The following ZFHX3 variants were observed in gnomAD, a reference collection of about 807,000 sequenced individuals.
ZFHX3 encodes zinc finger homeobox protein 3.
In ZFHX3, 42 loss-of-function variants were observed where a neutral mutation model predicts 279.1. That is an observed-to-expected ratio of 0.15 (90% CI 0.12 to 0.19). The LOEUF is 0.19. Among genes scored for constraint, ZFHX3 ranks in the 10% least tolerant of loss-of-function variants. ZFHX3 has a pLI of 1.00. For missense variants in ZFHX3, 4,981 were observed against 4,754.0 expected (o/e 1.05, Z -1.40); for synonymous variants, 2,293 against 1,957.8 (o/e 1.17, Z -4.52).
At chr16:73,487,685 G>A (rs754316382) in intron 2 of ZFHX3, 8 of 209,670 alleles carry the variant, frequency 3.8e-5, no homozygotes, top group African/African-American at 1.6e-4. Context: ...AATTACAGGC[G>A]TGAGCCACTG....
At chr16:73,012,455 G>T (rs1318587583) in intron 1 of ZFHX3, among the ~76,000 whole-genome samples, 2 of 152,142 alleles carry the variant, frequency 1.3e-5, no homozygotes, top group African/African-American at 4.8e-5. Flanking sequence ...TAACATCATG[G>T]AGGAATGTGT....
chr16:73,193,694 C>G (rs2144891286), intron 5 of ZFHX3, among the ~76,000 whole-genome samples: 1 of 152,282 alleles, frequency 6.6e-6, no homozygotes, highest in Admixed American at 6.5e-5. Context: ...AGTGGTGAAG[C>G]AGTTTGTTAA....
intron 2 of ZFHX3, among the ~76,000 whole-genome samples, chr16:73,676,430 G>A (rs1452742183): frequency 1.3e-5 from 2 of 151,602 alleles, no homozygotes; most frequent in African/African-American, 4.8e-5. Context: ...AAATTTGACA[G>A]TTGGAGATAT....
chr16:72,793,486 A>G lies in ZFHX3; in HGVS notation c.9196T>C (p.Tyr3066His). 1.2e-6 allele frequency: 2 copies of G among 1,614,194 alleles called. No homozygotes were observed. The highest frequency in any genetic ancestry group is 1.7e-6 in the Non-Finnish European group (2 of 1,180,036). ...IGSQLDKEKE[Y>H]FDPATVRQLM... ...TGACGTACGGTGGCTGGGTCAAAGT[A>G]TTCTTTCTCCTTGTCCAGCTGGCTT... Residue 3066 changes from tyrosine to histidine, a missense_variant, in exon 9 of 10, where the codon TAC becomes CAC. By Grantham distance (83) the Tyr-to-His change is moderately conservative. Coordinates refer to ENST00000268489, the MANE Select transcript of ZFHX3 (RefSeq NM_006885.4). This position sits in a 1 kb window ranked among gnomAD's most constrained non-coding sequence, Gnocchi z 4.3.
At chr16:73,192,976 A>C (rs1005118849) in intron 5 of ZFHX3, among the ~76,000 whole-genome samples, 1 of 152,144 alleles carries the variant, frequency 6.6e-6, no homozygotes, top group Non-Finnish European at 1.5e-5. Flanking sequence ...CTGGAGGAAT[A>C]ATAGCCACCT....
intron 2 of ZFHX3, among the ~76,000 whole-genome samples, chr16:73,508,915 A>G (rs1194075933): frequency 6.6e-6 from 1 of 152,186 alleles, no homozygotes; most frequent in Non-Finnish European, 1.5e-5. Context: ...CAGGAAAAAG[A>G]TATCCCTGTA....
chr16:72,960,414 G>C (rs1310635666), intron 1 of ZFHX3, among the ~76,000 whole-genome samples: 1 of 152,188 alleles, frequency 6.6e-6, no homozygotes, highest in Admixed American at 6.5e-5. Context: ...CTGAGCGAGG[G>C]ATATGGGGAA....
At chr16:73,065,604 T>TGTGTGC (rs1555546711) in intron 8 of ZFHX3, among the ~76,000 whole-genome samples, 3 of 145,740 alleles carry the variant, frequency 2.1e-5, no homozygotes, top group Non-Finnish European at 4.6e-5. Flanking sequence ...TGTGTGTGTG[T>TGTGTGC]GTGCGTGTGT....
At chr16:73,362,768 C>A (rs2016454395) in intron 3 of ZFHX3, among the ~76,000 whole-genome samples, 1 of 152,194 alleles carries the variant, frequency 6.6e-6, no homozygotes, top group Non-Finnish European at 1.5e-5. Flanking sequence ...AATAACATCA[C>A]TCTAATGTGA....
At chr16:73,582,796 G>C (rs569305842) in intron 2 of ZFHX3, among the ~76,000 whole-genome samples, 2 of 151,840 alleles carry the variant, frequency 1.3e-5, no homozygotes, top group African/African-American at 4.9e-5. Flanking sequence ...TTTTTATCTA[G>C]ACTTCCCATC....
intron 8 of ZFHX3, among the ~76,000 whole-genome samples, chr16:73,080,378 A>G (rs2144764919): frequency 6.6e-6 from 1 of 152,276 alleles, no homozygotes; most frequent in African/African-American, 2.4e-5. Flanking sequence ...AGGTATTTTG[A>G]TCACAGCCTC....
At chr16:73,373,659 G>T (rs1028804193) in intron 3 of ZFHX3, among the ~76,000 whole-genome samples, 1 of 152,198 alleles carries the variant, frequency 6.6e-6, no homozygotes. Flanking sequence ...TGTGTTCAAA[G>T]AATAAAATGA....
chr16:73,141,439 C>T (rs1332839490), intron 6 of ZFHX3, among the ~76,000 whole-genome samples: 1 of 151,684 alleles, frequency 6.6e-6, no homozygotes, highest in Non-Finnish European at 1.5e-5. Flanking sequence ...GCTCTGTCAC[C>T]CAGGCTGGAG....
intron 5 of ZFHX3, 32 bp downstream of exon 5, chr16:72,829,747 A>C: frequency 1.7e-4 from 266 of 1,605,546 alleles, no homozygotes; most frequent in Non-Finnish European, 2.0e-4. Context: ...AGCCACACAC[A>C]CTACCTGTCC....
At chr16:73,508,026 G>A (rs1046650136) in intron 2 of ZFHX3, among the ~76,000 whole-genome samples, 6 of 152,154 alleles carry the variant, frequency 3.9e-5, no homozygotes, top group Non-Finnish European at 5.9e-5. Flanking sequence ...TTGATACACG[G>A]TATTGATATA....
chr16:73,113,220 C>T lies in ZFHX3; in HGVS notation c.-897+17748G>A, dbSNP rs539920244. Among the ~76,000 whole-genome samples, 209 of 151,820 alleles carry T rather than the reference C, an allele frequency of 1.4e-3. 1 individual carries two copies. The highest frequency in any genetic ancestry group is 4.7e-3 in the African/African-American group (195 of 41,404). On this transcript the variant is annotated intron_variant, in intron 7 of 17. Coordinates refer to the ZFHX3 transcript ENST00000641206. Reference sequence around the variant, plus strand: ...AAAGAGAGTGGGAGATGGAACCAGGCGAGGAGGTGGAGAAGCTGCCAGAGG... The same window carrying T: ...AAAGAGAGTGGGAGATGGAACCAGGTGAGGAGGTGGAGAAGCTGCCAGAGG...
At chr16:72,960,291 G>C (rs533407429) in intron 1 of ZFHX3, 97 bp from the exon 2 acceptor site, 3 of 1,005,064 alleles carry the variant, frequency 3.0e-6, no homozygotes, top group South Asian at 2.0e-5. Context: ...CTACCGCACG[G>C]AGCGCTCTAA....
At chr16:73,273,711 C>A (rs1169504861) in intron 4 of ZFHX3, among the ~76,000 whole-genome samples, 1 of 152,062 alleles carries the variant, frequency 6.6e-6, no homozygotes, top group East Asian at 1.9e-4. Flanking sequence ...TAAAGCCAAT[C>A]TCCCACTTGC....
At chr16:73,612,968 T>A (rs968668960) in intron 2 of ZFHX3, among the ~76,000 whole-genome samples, 2 of 152,200 alleles carry the variant, frequency 1.3e-5, no homozygotes, top group African/African-American at 2.4e-5. Context: ...AAGCTCCATA[T>A]ACTTTATTAT....
Sources: gnomAD v4.1 joint callset for allele counts (sites outside exome capture counted in the v4.1 genomes callset) on GRCh38, gnomAD v4.1.1 for gene constraint, Gnocchi (gnomAD v3.1) non-coding constraint, MANE v1.5 for transcripts, NCBI Gene and HGNC (gene_info 2026-07-23, HGNC 2026-07-21) for gene names.